OR52E6: variants seen among roughly 807,000 people sequenced by gnomAD.
OR52E6 encodes the protein olfactory receptor 52E6.
For synonymous variants in OR52E6, 173 were observed against 137.3 expected (o/e 1.26, Z -1.82); for missense variants, 419 against 381.5 (o/e 1.10, Z -0.82).
rs1590376762 is a variant in OR52E6 at position 5,841,316 on chromosome 11, G to C, written c.582C>G (p.Ile194Met). 1 of 1,614,148 alleles carries C rather than the reference G, an allele frequency of 6.2e-7. No homozygotes were observed. Residue 194 changes from isoleucine (I) to methionine (M), a missense_variant, in exon 1 of 1, where the codon ATC (isoleucine) becomes ATG (methionine). Coordinates refer to ENST00000329322, the MANE Select transcript of OR52E6 (RefSeq NM_001005167.2). ...MGIARLACAS[I>M]KVNIMFGLGS... Reference sequence around the variant, plus strand: ...CAAGACCAAACATAATGTTGACTTTGATGCTGGCACAGGCCAGACGGGCAA... The same window carrying C: ...CAAGACCAAACATAATGTTGACTTTCATGCTGGCACAGGCCAGACGGGCAA...
At position 5,840,971 on chromosome 11, in the gene OR52E6, G is replaced by A. The variant is rs1473975822; in HGVS notation, c.927C>T (p.Phe309=). Residue 309 remains phenylalanine, a synonymous_variant, in exon 1 of 1, where the codon TTC becomes TTT. Transcript: ENST00000329322. ...HIRETVLRIF[F]KTDH is the part of the protein sequence containing the mutation. ...CTCCAACTGGTTAGTGATCTGTCTT[G>A]AAGAAAATCCTCAGCACTGTCTCCC... 6.4e-7 allele frequency: 1 copy of A among 1,566,680 alleles called. No individual in the cohort carries two copies. Among genetic ancestry groups the A allele is most frequent in the Non-Finnish European group, 8.6e-7 (1 of 1,157,708 alleles).
chr11:5,841,226 A>G lies in OR52E6; in HGVS notation c.672T>C (p.Tyr224=), dbSNP rs1217785383. The G allele has an allele frequency of 1.2e-6, 2 of 1,613,822 alleles. No individual in the cohort carries two copies. Among genetic ancestry groups the G allele is most frequent in the East Asian group, 2.2e-5 (1 of 44,832 alleles). Reference sequence around the variant, plus strand: ...CCCAGGAGGGCAGGCAGAAGACAGCATAGAGGATCCTGATATGGGAGAGAA... The same window carrying G: ...CCCAGGAGGGCAGGCAGAAGACAGCGTAGAGGATCCTGATATGGGAGAGAA... ...LIILSHIRIL[Y]AVFCLPSWEA... The change falls in exon 1 of 1, where the codon TAT becomes TAC. Residue 224 remains tyrosine (Y), a synonymous_variant. Coordinates refer to ENST00000329322, the MANE Select transcript of OR52E6 (RefSeq NM_001005167.2).
Position 5,841,877 on chromosome 11 carries a change from G to A in OR52E6, c.21C>T (p.Thr7=). Residue 7 remains threonine (T), a synonymous_variant, in exon 1 of 1, where the codon ACC becomes ACT. Coordinates refer to ENST00000329322, the MANE Select transcript of OR52E6 (RefSeq NM_001005167.2). MPIAND[T]QFHTSSFLLL... is the part of the protein sequence containing the mutation. ...GTAGGAATGAAGAAGTATGGAACTG[G>A]GTGTCGTTAGCTATAGGCATTCTTT... is the stretch of plus-strand genomic sequence containing the variant. 1.9e-6 allele frequency: 3 copies of A among 1,613,188 alleles called. No individual in the cohort carries two copies. The highest frequency in any genetic ancestry group is 2.2e-5 in the East Asian group (1 of 44,846).
Position 5,841,286 on chromosome 11 carries a change from A to G in OR52E6, c.612T>C (p.Ser204=). 1.2e-6 allele frequency: 2 copies of G among 1,614,072 alleles called. No individual in the cohort carries two copies. The highest frequency in any genetic ancestry group is 2.2e-5 in the East Asian group (1 of 44,842). Residue 204 remains serine, a synonymous_variant, in exon 1 of 1, where the codon AGT becomes AGC. Coordinates refer to ENST00000329322, the MANE Select transcript of OR52E6 (RefSeq NM_001005167.2). ...IKVNIMFGLG[S]ISLLLLDVLL... ...GCACATCCAATAACAAGAGAGAAAT[A>G]CTGCCAAGACCAAACATAATGTTGA... is the stretch of plus-strand genomic sequence containing the variant.
chr11:5,841,495 T>C lies in OR52E6; in HGVS notation c.403A>G (p.Thr135Ala), dbSNP rs904886660. The C allele has an allele frequency of 6.2e-7, 1 of 1,614,098 alleles. No individual in the cohort carries two copies. The highest frequency in any genetic ancestry group is 1.7e-4 in the Middle Eastern group (1 of 6,060). The change falls in exon 1 of 1, where the codon ACC becomes GCC. Residue 135 changes from threonine to alanine, a missense_variant. Transcript: ENST00000329322. Reference protein sequence around the residue: ...YIAICKPLWYTMILTSKIISL... With the variant: ...YIAICKPLWYAMILTSKIISL... ...ATGATTTTGCTGGTGAGGATCATGG[T>C]GTACCAAAGAGGTTTGCAAATGGCA...
rs10838719 is a variant in OR52E6 at position 5,841,501 on chromosome 11, A to G, written c.397T>C (p.Trp133Arg). The G allele has an allele frequency of 0.48, 781,472 of 1,613,228 alleles. 192,407 individuals are homozygous for G. Among genetic ancestry groups the G allele is most frequent in the Non-Finnish European group, 0.51 (599,045 of 1,179,396 alleles). The change falls in exon 1 of 1, where the codon TGG becomes CGG. Residue 133 changes from tryptophan (W) to arginine (R), a missense_variant. Transcript: ENST00000329322. ...DRYIAICKPL[W>R]YTMILTSKII... ...TTGCTGGTGAGGATCATGGTGTACCAAAGAGGTTTGCAAATGGCAATGTAG... is the reference window on the plus strand; with the variant it reads ...TTGCTGGTGAGGATCATGGTGTACCGAAGAGGTTTGCAAATGGCAATGTAG...
rs753655804 is a variant in OR52E6 at position 5,841,617 on chromosome 11, A to G, written c.281T>C (p.Ile94Thr). 6.2e-7 allele frequency: 1 copy of G among 1,614,128 alleles called. No homozygotes were observed. The highest frequency in any genetic ancestry group is 8.5e-7 in the Non-Finnish European group (1 of 1,179,990). The change falls in exon 1 of 1, where the codon ATA becomes ACA. Residue 94 changes from isoleucine to threonine, a missense_variant. Transcript: ENST00000329322. ...CTGAGAAAGGTAGCCTCCAAAAGATATTTCCTTGATATTGAACCAGAAGAT... is the reference window on the plus strand; with the variant it reads ...CTGAGAAAGGTAGCCTCCAAAAGATGTTTCCTTGATATTGAACCAGAAGAT... Reference protein sequence around the residue: ...LGIFWFNIKEISFGGYLSQMF... With the variant: ...LGIFWFNIKETSFGGYLSQMF...
rs369883736 is a variant in OR52E6 at position 5,841,600 on chromosome 11, G to A, written c.298C>T (p.Leu100Phe). 3.0e-5 allele frequency: 48 copies of A among 1,614,122 alleles called. No homozygotes were observed. The highest frequency in any genetic ancestry group is 2.0e-4 in the African/African-American group (15 of 75,042). Residue 100 changes from leucine to phenylalanine, a missense_variant, in exon 1 of 1, where the codon CTT becomes TTT. Transcript: ENST00000329322. ...NIKEISFGGY[L>F]SQMFFIHFFT... The stretch of plus-strand genomic sequence containing the variant: ...AAATGGATGAAGAACATCTGAGAAA[G>A]GTAGCCTCCAAAAGATATTTCCTTG...
rs763117309 is a variant in OR52E6 at position 5,841,342 on chromosome 11, T to A, written c.556A>T (p.Ile186Phe). ...IPHTYCEHMG[I>F]ARLACASIKV... The stretch of plus-strand genomic sequence containing the variant: ...ATGCTGGCACAGGCCAGACGGGCAA[T>A]GCCCATGTGCTCACAGTAAGTATGA... The change falls in exon 1 of 1, where the codon ATT becomes TTT. Residue 186 changes from isoleucine (I) to phenylalanine (F), a missense_variant. Ile to Phe is a conservative substitution (Grantham distance 21). Transcript: ENST00000329322. The A allele has an allele frequency of 6.2e-6, 10 of 1,613,998 alleles. No individual in the cohort carries two copies. The highest frequency in any genetic ancestry group is 8.5e-6 in the Non-Finnish European group (10 of 1,180,016).
chr11:5,841,057 ATAGATT>A lies in OR52E6; in HGVS notation c.835_840del (p.Asn279_Leu280del), dbSNP rs773063276. The A allele has an allele frequency of 4.3e-6, 7 of 1,613,880 alleles. 1 individual carries two copies. In the South Asian group the frequency reaches 7.7e-5, roughly 18 times the overall value. On this transcript the variant is annotated inframe_deletion, in exon 1 of 1. Transcript: ENST00000329322. Reference sequence around the variant, plus strand: ...TTGAGGGTGGGAGGAACAACCACATATAGATTAGCCAAGAAAATGTGGATATATTGG... The same window carrying A: ...TTGAGGGTGGGAGGAACAACCACATAAGCCAAGAAAATGTGGATATATTGG...
In OR52E6 at chr11:5,841,508, T is replaced by C; in HGVS notation, c.390A>G (p.Lys130=). The part of the protein sequence containing the change: ...MAFDRYIAIC[K]PLWYTMILTS... ...TGAGGATCATGGTGTACCAAAGAGG[T>C]TTGCAAATGGCAATGTAGCGGTCAA... The change falls in exon 1 of 1, where the codon AAA becomes AAG. Residue 130 remains lysine, a synonymous_variant. Coordinates refer to ENST00000329322, the MANE Select transcript of OR52E6 (RefSeq NM_001005167.2). The C allele has an allele frequency of 1.2e-6, 2 of 1,614,014 alleles. No homozygotes were observed. The highest frequency in any genetic ancestry group is 1.7e-6 in the Non-Finnish European group (2 of 1,179,974).
chr11:5,841,442 C>A lies in OR52E6; in HGVS notation c.456G>T (p.Leu152=). Reference sequence around the variant, plus strand: ...GTGGAATGACCATGTACAAGCTCCTCAGGACAGCAATGCCTGCAATGAGGC... The same window carrying A: ...GTGGAATGACCATGTACAAGCTCCTAAGGACAGCAATGCCTGCAATGAGGC... ...IISLIAGIAV[L]RSLYMVIPLV... Residue 152 remains leucine, a synonymous_variant, in exon 1 of 1, where the codon CTG becomes CTT. Coordinates refer to ENST00000329322, the MANE Select transcript of OR52E6 (RefSeq NM_001005167.2). The A allele has an allele frequency of 6.2e-7, 1 of 1,614,134 alleles. No homozygotes were observed. Among genetic ancestry groups the A allele is most frequent in the Non-Finnish European group, 8.5e-7 (1 of 1,180,008 alleles).
rs1846611422 is a variant in OR52E6, at chr11:5,841,506, G to C, written c.392C>G (p.Pro131Arg). The change falls in exon 1 of 1, where the codon CCT becomes CGT. Residue 131 changes from proline (P) to arginine (R), a missense_variant. By Grantham distance (103) the Pro-to-Arg change is moderately radical (BLOSUM62 -2). Transcript: ENST00000329322. ...GGTGAGGATCATGGTGTACCAAAGA[G>C]GTTTGCAAATGGCAATGTAGCGGTC... ...AFDRYIAICK[P>R]LWYTMILTSK... The C allele has an allele frequency of 6.2e-7, 1 of 1,614,100 alleles. No individual in the cohort carries two copies. Among genetic ancestry groups the C allele is most frequent in the Non-Finnish European group, 8.5e-7 (1 of 1,179,986 alleles).
rs367705230 is a variant in OR52E6 at position 5,841,759 on chromosome 11, T to C, written c.139A>G (p.Ile47Val). ...YLIALLGNAAIFFVIQTEQSL... is the reference protein window; with the variant it reads ...YLIALLGNAAVFFVIQTEQSL... ...TGCTCAGTTTGGATCACAAAGAAGA[T>C]AGCAGCATTTCCCAGGAGTGCAATA... is the stretch of plus-strand genomic sequence containing the variant. The change falls in exon 1 of 1, where the codon ATC becomes GTC. Residue 47 changes from isoleucine (I) to valine (V), a missense_variant. Physicochemically the swap from Ile to Val is conservative, Grantham distance 29. Transcript: ENST00000329322. The C allele has an allele frequency of 1.9e-6, 3 of 1,613,666 alleles. No homozygotes were observed. Among genetic ancestry groups the C allele is most frequent in the Non-Finnish European group, 2.5e-6 (3 of 1,179,838 alleles).
At position 5,841,026 on chromosome 11, in the gene OR52E6, A is replaced by G. The variant is rs1039955815; in HGVS notation, c.872T>C (p.Val291Ala). 2 of 1,612,228 alleles carry G rather than the reference A, an allele frequency of 1.2e-6. No individual in the cohort carries two copies. Among genetic ancestry groups the G allele is most frequent in the African/African-American group, 2.7e-5 (2 of 74,864 alleles). Residue 291 changes from valine (V) to alanine (A), a missense_variant, in exon 1 of 1, where the codon GTA (valine) becomes GCA (alanine). Physicochemically the swap from Val to Ala is moderately conservative, Grantham distance 64 (BLOSUM62 0). Transcript: ENST00000329322. ...YVVVPPTLNP[V>A]IYGVRTKHIR... is the part of the protein sequence containing the mutation. Reference sequence around the variant, plus strand: ...ATGTTTGGTTCTGACCCCATAGATTACAGGATTGAGGGTGGGAGGAACAAC... The same window carrying G: ...ATGTTTGGTTCTGACCCCATAGATTGCAGGATTGAGGGTGGGAGGAACAAC...
Position 5,841,424 on chromosome 11 carries a change from G to C in OR52E6, c.474C>G (p.Val158=). ...GIAVLRSLYM[V]IPLVFLLLRL... is the part of the protein sequence containing the mutation. Reference sequence around the variant, plus strand: ...TTAAGAGGAGAAACACCAGTGGAATGACCATGTACAAGCTCCTCAGGACAG... The same window carrying C: ...TTAAGAGGAGAAACACCAGTGGAATCACCATGTACAAGCTCCTCAGGACAG... The change falls in exon 1 of 1, where the codon GTC becomes GTG. Residue 158 remains valine (V), a synonymous_variant. Coordinates refer to ENST00000329322, the MANE Select transcript of OR52E6 (RefSeq NM_001005167.2). The C allele has an allele frequency of 6.2e-7, 1 of 1,614,178 alleles. No homozygotes were observed. The highest frequency in any genetic ancestry group is 8.5e-7 in the Non-Finnish European group (1 of 1,180,030).
rs757702166 is a variant in OR52E6, at chr11:5,841,058, T to C, written c.840A>G (p.Leu280=). ...PQYIHIFLAN[L]YVVVPPTLNP... ...TGAGGGTGGGAGGAACAACCACATA[T>C]AGATTAGCCAAGAAAATGTGGATAT... The change falls in exon 1 of 1, where the codon CTA becomes CTG. Residue 280 remains leucine, a synonymous_variant. Coordinates refer to ENST00000329322, the MANE Select transcript of OR52E6 (RefSeq NM_001005167.2). 1.2e-6 allele frequency: 2 copies of C among 1,613,744 alleles called. No homozygotes were observed. The highest frequency in any genetic ancestry group is 1.3e-5 in the African/African-American group (1 of 74,902).
At position 5,841,528 on chromosome 11, in the gene OR52E6, G is replaced by C. The variant is rs61737712; in HGVS notation, c.370C>G (p.Arg124Gly). 3 of 1,613,986 alleles carry C rather than the reference G, an allele frequency of 1.9e-6. No homozygotes were observed. The highest frequency in any genetic ancestry group is 2.7e-5 in the African/African-American group (2 of 74,912). Residue 124 changes from arginine (R) to glycine (G), a missense_variant, in exon 1 of 1, where the codon CGC (arginine) becomes GGC (glycine). By Grantham distance (125) the Arg-to-Gly change is moderately radical (BLOSUM62 -2). Transcript: ENST00000329322. ...SIVLVAMAFD[R>G]YIAICKPLWY... ...AGAGGTTTGCAAATGGCAATGTAGC[G>C]GTCAAAGGCCATGGCCACCAATACG... is the stretch of plus-strand genomic sequence containing the variant.
In OR52E6 at chr11:5,840,970, T is replaced by G; in HGVS notation, c.928A>C (p.Lys310Gln). The G allele has an allele frequency of 6.4e-7, 1 of 1,566,046 alleles. No individual in the cohort carries two copies. The change falls in exon 1 of 1, where the codon AAG becomes CAG. Residue 310 changes from lysine (K) to glutamine (Q), a missense_variant. By Grantham distance (53) the Lys-to-Gln change is moderately conservative. Coordinates refer to ENST00000329322, the MANE Select transcript of OR52E6 (RefSeq NM_001005167.2). ...ACTCCAACTGGTTAGTGATCTGTCT[T>G]GAAGAAAATCCTCAGCACTGTCTCC... ...IRETVLRIFFKTDH is the reference protein window; with the variant it reads ...IRETVLRIFFQTDH
Sources: gnomAD v4.1 joint callset for allele counts on GRCh38, gnomAD v4.1.1 for gene constraint, MANE v1.5 for transcripts, NCBI Gene and HGNC (gene_info 2026-07-23, HGNC 2026-07-21) for gene names.